Variants in SLC9A9 observed in about 807,000 individuals in gnomAD.
SLC9A9 encodes the protein solute carrier family 9 member A9.
A neutral mutation model predicts 77.8 loss-of-function variants in SLC9A9; 62 were observed. That is an observed-to-expected ratio of 0.80 (90% confidence interval 0.65 to 0.98). The LOEUF (loss-of-function observed/expected upper bound fraction) is 0.98. Ranked by LOEUF, SLC9A9 falls within the 50% of genes least tolerant of loss-of-function variation. The pLI, the probability that SLC9A9 is intolerant of heterozygous loss-of-function variation, is 0.00. For synonymous variants in SLC9A9, 320 were observed against 283.5 expected (o/e 1.13, Z -1.29); for missense variants, 775 against 774.9 (o/e 1.00, Z 0.00).
intron 12 of SLC9A9, among the ~76,000 whole-genome samples, chr3:143,437,712 C>A (rs2034649333): frequency 6.6e-6 from 1 of 152,148 alleles, no homozygotes; most frequent in Non-Finnish European, 1.5e-5. Context: ...AATTCCCCAC[C>A]CCCAGTCACT....
intron 12 of SLC9A9, among the ~76,000 whole-genome samples, chr3:143,390,675 A>G (rs1213691531): frequency 2.0e-5 from 3 of 152,326 alleles, no homozygotes; most frequent in South Asian, 4.1e-4. Context: ...GGGAAGTGCA[A>G]GGGGTCAGAG....
intron 14 of SLC9A9, among the ~76,000 whole-genome samples, chr3:143,358,875 T>G (rs1297027527): frequency 6.6e-6 from 1 of 152,216 alleles, no homozygotes; most frequent in Non-Finnish European, 1.5e-5. Flanking sequence ...AGAGAATGGC[T>G]TCTAAGCCAG....
chr3:143,406,523 G>A (rs1440749494), intron 12 of SLC9A9, among the ~76,000 whole-genome samples: 1 of 151,834 alleles, frequency 6.6e-6, no homozygotes, highest in Non-Finnish European at 1.5e-5. Flanking sequence ...GATCACAGGT[G>A]CTTGCCTTTG....
At chr3:143,547,528 A>G (rs1189750604) in intron 9 of SLC9A9, among the ~76,000 whole-genome samples, 2 of 152,186 alleles carry the variant, frequency 1.3e-5, no homozygotes, top group Non-Finnish European at 2.9e-5. Context: ...AAAGGTCTCA[A>G]GTGTTTCCCC....
intron 6 of SLC9A9, among the ~76,000 whole-genome samples, chr3:143,620,985 G>A (rs970956608): frequency 6.6e-5 from 10 of 152,220 alleles, no homozygotes; most frequent in African/African-American, 2.4e-4. Context: ...GCCTGGCTCA[G>A]AGGGTCCTAT....
At chr3:143,624,870 A>G (rs2038290174) in intron 6 of SLC9A9, among the ~76,000 whole-genome samples, 2 of 152,178 alleles carry the variant, frequency 1.3e-5, no homozygotes, top group African/African-American at 2.4e-5. Flanking sequence ...AAACCCCATC[A>G]TCTCAGCCCA....
rs555010315 is a variant in SLC9A9 at position 143,742,193 on chromosome 3, C to T, written c.534-48886G>A. On this transcript the variant is annotated intron_variant, in intron 4 of 15. Coordinates refer to ENST00000316549, the MANE Select transcript of SLC9A9 (RefSeq NM_173653.4). ...TCTTGGGGCCCTACCCAGGAACTGA[C>T]TCAGCTCAAGAAGACAGTTCGAACT... Among the ~76,000 whole-genome samples the T allele has an allele frequency of 1.1e-4, 16 of 152,138 alleles. 1 individual carries two copies. Among genetic ancestry groups the T allele is most frequent in the African/African-American group, 3.9e-4 (16 of 41,522 alleles).
intron 9 of SLC9A9, among the ~76,000 whole-genome samples, chr3:143,513,125 C>T (rs1239850127): frequency 1.3e-5 from 2 of 152,156 alleles, no homozygotes; most frequent in South Asian, 2.1e-4. Context: ...GAATGACTCT[C>T]CTTTTACAAA....
intron 7 of SLC9A9, among the ~76,000 whole-genome samples, chr3:143,575,225 GGTAAACATGTTTTGTAAA>G (rs2037338281): frequency 1.3e-5 from 2 of 152,264 alleles, no homozygotes; most frequent in South Asian, 4.1e-4. Context: ...GCTGAAGTAT[GGTAAACATGTTTTGTAAA>G]GTTTTAGAAA....
At chr3:143,430,772 G>T (rs1397395129) in intron 12 of SLC9A9, among the ~76,000 whole-genome samples, 1 of 152,184 alleles carries the variant, frequency 6.6e-6, no homozygotes, top group Non-Finnish European at 1.5e-5. Flanking sequence ...TTCCAGGTGG[G>T]CATGGTCACG....
At chr3:143,505,789 T>C (rs967024492) in intron 9 of SLC9A9, among the ~76,000 whole-genome samples, 7 of 152,162 alleles carry the variant, frequency 4.6e-5, no homozygotes, top group African/African-American at 1.7e-4. Flanking sequence ...ATAAATGTAG[T>C]TACAGCTACA....
At chr3:143,702,831 C>T (rs1397642117) in intron 4 of SLC9A9, among the ~76,000 whole-genome samples, 30 of 151,816 alleles carry the variant, frequency 2.0e-4, no homozygotes, top group Admixed American at 2.0e-3. Context: ...CTATAATAAA[C>T]ACGCTTCACC....
rs2032443253 is a variant in SLC9A9 at position 143,351,140 on chromosome 3, C to A, written c.1604+12344G>T. On this transcript the variant is annotated intron_variant, in intron 14 of 15. Transcript: ENST00000316549. Reference sequence around the variant, plus strand: ...AAGGCATACATGTTATATCACAACCCAGGGTACATGCACACACCCCTGAAA... The same window carrying A: ...AAGGCATACATGTTATATCACAACCAAGGGTACATGCACACACCCCTGAAA... 2.6e-5 allele frequency among the ~76,000 whole-genome samples: 4 copies of A among 152,254 alleles called. No homozygotes were observed. In the South Asian group the frequency reaches 8.3e-4, roughly 32 times the overall value.
At chr3:143,295,765 T>A (rs912057016) in intron 14 of SLC9A9, among the ~76,000 whole-genome samples, 2 of 152,176 alleles carry the variant, frequency 1.3e-5, no homozygotes, top group Admixed American at 6.5e-5. Context: ...GAGTGACTTT[T>A]AATTGTGCTT....
intron 2 of SLC9A9, among the ~76,000 whole-genome samples, chr3:143,804,460 C>T (rs1278107930): frequency 6.6e-6 from 1 of 152,174 alleles, no homozygotes; most frequent in African/African-American, 2.4e-5. Context: ...CCCATTACAA[C>T]CTCTGATGGC....
chr3:143,435,117 T>A (rs567470770), intron 12 of SLC9A9, among the ~76,000 whole-genome samples: 21 of 152,232 alleles, frequency 1.4e-4, no homozygotes, highest in Admixed American at 1.2e-3. Flanking sequence ...AAAGTATTTA[T>A]CCTTCTCAAT....
chr3:143,531,511 G>A (rs1301220079), intron 9 of SLC9A9, among the ~76,000 whole-genome samples: 1 of 152,224 alleles, frequency 6.6e-6, no homozygotes, highest in African/African-American at 2.4e-5. Flanking sequence ...AAGACATAAT[G>A]TATAGGAAGT....
intron 14 of SLC9A9, among the ~76,000 whole-genome samples, chr3:143,362,299 C>G (rs1400460511): frequency 6.6e-6 from 1 of 152,176 alleles, no homozygotes; most frequent in East Asian, 1.9e-4. Context: ...AAACAAAACT[C>G]TAACCTCAAA....
In SLC9A9 at chr3:143,495,395, G is replaced by A. The variant is rs1439817356; in HGVS notation, c.1143C>T (p.Gly381=). 4.3e-6 allele frequency: 7 copies of A among 1,613,968 alleles called. No individual in the cohort carries two copies. In the South Asian group the frequency reaches 6.6e-5, roughly 15 times the overall value. Reference sequence around the variant, plus strand: ...GATTCTGGAACGTGAACAGTGCCAGGCCCATGTAACAGAAGATGACGTTCT... The same window carrying A: ...GATTCTGGAACGTGAACAGTGCCAGACCCATGTAACAGAAGATGACGTTCT... ...LAENVIFCYM[G]LALFTFQNHI... is the part of the protein sequence containing the mutation. The change falls in exon 10 of 16, where the codon GGC becomes GGT. Residue 381 remains glycine, a synonymous_variant. Transcript: ENST00000316549.
Sources: gnomAD v4.1 joint callset for allele counts (sites outside exome capture counted in the v4.1 genomes callset) on GRCh38, gnomAD v4.1.1 for gene constraint, MANE v1.5 for transcripts, NCBI Gene and HGNC (gene_info 2026-07-23, HGNC 2026-07-21) for gene names.